Variants in ANKRD18B observed in about 807,000 individuals in gnomAD.
ANKRD18B encodes the protein ankyrin repeat domain-containing protein 18B.
A neutral mutation model predicts 111.8 loss-of-function variants in ANKRD18B; 75 were observed. The observed-to-expected ratio is 0.67, with a 90% CI of 0.56 to 0.81. ANKRD18B has a LOEUF of 0.81. Ranked by LOEUF, ANKRD18B falls within the 40% of genes least tolerant of loss-of-function variation. ANKRD18B has a pLI of 0.00. For synonymous variants in ANKRD18B, 356 were observed against 417.3 expected (o/e 0.85, Z 1.79); for missense variants, 1,038 against 1,225.5 (o/e 0.85, Z 2.28).
At chr9:33,574,521 A>C (rs577091875), downstream of ANKRD18B, 1 of 152,770 alleles carries the variant, frequency 6.5e-6, no homozygotes, top group African/African-American at 2.4e-5. Flanking sequence ...GGTTCCACCT[A>C]GAGAGGGTGC....
In ANKRD18B at chr9:33,536,859, T is replaced by G. The variant is rs1195350968; in HGVS notation, c.741-19T>G. On this transcript the variant is annotated intron_variant, in intron 5 of 18. Transcript: ENST00000684830. The stretch of plus-strand genomic sequence containing the variant: ...TATCACTATTAAAATACTAATTTTA[T>G]TACATTTATTATGCATAGCATCCAA... The G allele has an allele frequency of 7.4e-7, 1 of 1,353,448 alleles. No individual in the cohort carries two copies. Among genetic ancestry groups the G allele is most frequent in the Admixed American group, 2.8e-5 (1 of 35,622 alleles). The allele number at this position is 1,353,448 out of a possible 1,614,324, so 83.8% of individuals were successfully genotyped here.
rs145663755 is a variant in ANKRD18B, at chr9:33,544,936, T to C, written c.1149+1681T>C. Among the ~76,000 whole-genome samples, 823 of 152,288 alleles carry C rather than the reference T, an allele frequency of 5.4e-3. 8 individuals carry two copies. The highest frequency in any genetic ancestry group is 0.019 in the African/African-American group (799 of 41,554). Reference sequence around the variant, plus strand: ...GTCCTGAGGAAGAGCTCTTACATTGTAACTCTAAAGAGGGACAAACTTAAA... The same window carrying C: ...GTCCTGAGGAAGAGCTCTTACATTGCAACTCTAAAGAGGGACAAACTTAAA... On this transcript the variant is annotated intron_variant, in intron 10 of 18. Coordinates refer to ENST00000684830, the MANE Select transcript of ANKRD18B (RefSeq NM_001393611.1).
chr9:33,551,992 A>T (rs570474239), intron 12 of ANKRD18B, among the ~76,000 whole-genome samples: 1 of 152,352 alleles, frequency 6.6e-6, no homozygotes, highest in Admixed American at 6.5e-5. Context: ...TTTAATTTTT[A>T]ATGGAAGATA....
intron 14 of ANKRD18B, among the ~76,000 whole-genome samples, chr9:33,562,130 G>T (rs1052749894): frequency 1.3e-5 from 2 of 151,966 alleles, no homozygotes; most frequent in African/African-American, 4.8e-5. Context: ...CTTATCCAGT[G>T]CCTCCCTCTA....
chr9:33,542,586 G>A (rs977678689), intron 9 of ANKRD18B, among the ~76,000 whole-genome samples: 3 of 151,918 alleles, frequency 2.0e-5, no homozygotes, highest in African/African-American at 7.3e-5. Context: ...TGGTCTCTGG[G>A]CTGGTCTTAA....
chr9:33,533,078 G>A (rs1021153744), intron 3 of ANKRD18B, among the ~76,000 whole-genome samples: 6 of 152,006 alleles, frequency 3.9e-5, no homozygotes, highest in African/African-American at 1.5e-4. Flanking sequence ...CTATGTCTTA[G>A]GTTTTAGGGT....
intron 1 of ANKRD18B, among the ~76,000 whole-genome samples, chr9:33,525,687 C>T (rs1468003905): frequency 6.6e-6 from 1 of 151,470 alleles, no homozygotes. Context: ...TTAAAATCCC[C>T]TGTGTATCAG....
intron 14 of ANKRD18B, among the ~76,000 whole-genome samples, chr9:33,563,323 G>GTC (rs780059084): frequency 4.9e-4 from 74 of 152,348 alleles, no homozygotes; most frequent in Non-Finnish European, 8.2e-4. Flanking sequence ...AGGACAGCTT[G>GTC]TCTCTGCTCC....
At chr9:33,539,026 A>T (rs1828240826) in intron 6 of ANKRD18B, among the ~76,000 whole-genome samples, 4 of 152,204 alleles carry the variant, frequency 2.6e-5, no homozygotes, top group Admixed American at 2.6e-4. Flanking sequence ...TAACTATTTA[A>T]TTTTTGTGTT....
In ANKRD18B at chr9:33,548,114, G is replaced by C; in HGVS notation, c.1326G>C (p.Lys442Asn). 2 of 1,533,900 alleles carry C rather than the reference G, an allele frequency of 1.3e-6. No homozygotes were observed. The highest frequency in any genetic ancestry group is 8.8e-7 in the Non-Finnish European group (1 of 1,141,570). ...SITEINANFE[K>N]SVRLNEEMIT... The stretch of plus-strand genomic sequence containing the variant: ...CAGAAATAAATGCTAACTTTGAAAA[G>C]AGTGTAAGACTCAATGAAGAAATGA... Residue 442 changes from lysine to asparagine, a missense_variant, in exon 11 of 19, where the codon AAG (lysine) becomes AAC (asparagine). Lys to Asn is a moderately conservative substitution (Grantham distance 94). Transcript: ENST00000684830.
In ANKRD18B at chr9:33,543,195, A is replaced by G; in HGVS notation, c.1089A>G (p.Leu363=). 1 of 1,552,392 alleles carries G rather than the reference A, an allele frequency of 6.4e-7. No homozygotes were observed. Among genetic ancestry groups the G allele is most frequent in the Non-Finnish European group, 8.7e-7 (1 of 1,147,074 alleles). The change falls in exon 10 of 19, where the codon TTA becomes TTG. Residue 363 remains leucine (L), a synonymous_variant. Transcript: ENST00000684830. ...TGGATTTGTCAGCAGAACACAACTT[A>G]AAAGTGGCTTCAGAGGAAAAGCAAG... ...KRKEGAKEHN[L]KVASEEKQER...
At chr9:33,555,300 A>G (rs923501324) in intron 12 of ANKRD18B, among the ~76,000 whole-genome samples, 8 of 152,232 alleles carry the variant, frequency 5.3e-5, no homozygotes, top group East Asian at 3.8e-4. Context: ...TGGGAACTAG[A>G]TAAGAGTTTT....
chr9:33,560,380 T>C (rs1828589301), intron 14 of ANKRD18B, among the ~76,000 whole-genome samples: 1 of 152,230 alleles, frequency 6.6e-6, no homozygotes, highest in African/African-American at 2.4e-5. Flanking sequence ...CCAGTGCATG[T>C]GGGCCTCCAG....
At chr9:33,569,323 G>A (rs1828734743) in intron 17 of ANKRD18B, among the ~76,000 whole-genome samples, 1 of 145,550 alleles carries the variant, frequency 6.9e-6, no homozygotes, top group Non-Finnish European at 1.5e-5. Context: ...AGAGTGCAGT[G>A]GCATGATCTC....
intron 14 of ANKRD18B, among the ~76,000 whole-genome samples, chr9:33,562,457 G>C (rs889412621): frequency 2.6e-5 from 4 of 152,140 alleles, no homozygotes; most frequent in Admixed American, 2.6e-4. Flanking sequence ...TACTGAAACA[G>C]AGATGCACAG....
At chr9:33,554,540 C>T (rs10971561) in intron 12 of ANKRD18B, among the ~76,000 whole-genome samples, 38,644 of 152,068 alleles carry the variant, frequency 0.25, 5,566 homozygotes, top group Non-Finnish European at 0.33. Flanking sequence ...TGGTGGCTCA[C>T]GCCTGTAATT....
At chr9:33,575,321 G>A (rs973395386), downstream of ANKRD18B, among the ~76,000 whole-genome samples, 14 of 145,250 alleles carry the variant, frequency 9.6e-5, no homozygotes, top group African/African-American at 3.5e-4. Context: ...ACCCCCCTTG[G>A]TGGGTAGTGA....
chr9:33,556,022 T>G (rs2118091255), intron 13 of ANKRD18B, among the ~76,000 whole-genome samples: 1 of 152,234 alleles, frequency 6.6e-6, no homozygotes, highest in Admixed American at 6.5e-5. Flanking sequence ...TGGACTTTTT[T>G]GTTGGAATTA....
At chr9:33,528,547 G>C (rs1276944960) in intron 1 of ANKRD18B, 180 bp from the exon 2 acceptor site, 1 of 511,832 alleles carries the variant, frequency 2.0e-6, no homozygotes, top group Non-Finnish European at 3.4e-6. Flanking sequence ...ATCCAAATAG[G>C]CTGCTGTTTC....
Sources: allele counts gnomAD v4.1 joint callset (sites outside exome capture counted in the v4.1 genomes callset), GRCh38; gene constraint gnomAD v4.1.1; transcripts MANE v1.5; gene names NCBI Gene and HGNC (gene_info 2026-07-23, HGNC 2026-07-21).